DIPK2A: variants seen among roughly 807,000 people sequenced by gnomAD.
The protein encoded by DIPK2A is divergent protein kinase domain 2A, also known as Golgi Protein of 49 kDa.
Under a neutral mutation model 39.0 loss-of-function variants are expected in DIPK2A, and 27 were observed. The ratio of observed to expected loss-of-function variants is 0.69; its 90% CI spans 0.51 to 0.96. DIPK2A has a LOEUF of 0.96. Among genes scored for constraint, DIPK2A ranks in the 40% least tolerant of loss-of-function variants. The pLI, the probability that DIPK2A is intolerant of heterozygous loss-of-function variation, is 0.00. For missense variants in DIPK2A, 528 were observed against 571.3 expected (o/e 0.92, Z 0.77); for synonymous variants, 298 against 240.8 (o/e 1.24, Z -2.20).
intron 2 of DIPK2A, among the ~76,000 whole-genome samples, chr3:143,986,721 T>TC: frequency 1.1e-5 from 1 of 88,560 alleles, no homozygotes; most frequent in Middle Eastern, 7.6e-3. Context: ...AGACTCCGTC[T>TC]CAAAAAAAAA....
rs558880861 is a variant in DIPK2A at position 143,972,344 on chromosome 3, G to C, written c.12G>C (p.Leu4=). The C allele has an allele frequency of 7.4e-7, 1 of 1,354,772 alleles. No homozygotes were observed. Among genetic ancestry groups the C allele is most frequent in the East Asian group, 3.0e-5 (1 of 33,776 alleles). 83.9% of individuals were successfully genotyped at this position (1,354,772 alleles called of 1,614,324 possible). A position where few individuals can be genotyped will look rare whatever the true frequency, so the allele number is the denominator to read the frequency against. ...GGCGGGCGGGCGGTATGTGGCGCCT[G>C]GTGCCCCCGAAGCTGGGCCGCCTGT... MWR[L]VPPKLGRLSR... Residue 4 remains leucine (L), a synonymous_variant, in exon 1 of 3, where the codon CTG becomes CTC. Transcript: ENST00000315691.
intron 2 of DIPK2A, among the ~76,000 whole-genome samples, chr3:143,987,973 A>G (rs2087929237): frequency 6.6e-6 from 1 of 152,216 alleles, no homozygotes; most frequent in Non-Finnish European, 1.5e-5. Context: ...TAACCTTCAA[A>G]AAACATTAAC....
At chr3:143,981,977 T>G (rs148907672) in intron 1 of DIPK2A, among the ~76,000 whole-genome samples, 54 of 152,348 alleles carry the variant, frequency 3.5e-4, no homozygotes, top group African/African-American at 1.3e-3. Flanking sequence ...CATAAAATAT[T>G]TGATTTTGAT....
rs778582228 is a variant in DIPK2A, at chr3:143,988,101, C to CT, written c.962-1397dup. 2.1e-3 allele frequency among the ~76,000 whole-genome samples: 311 copies of CT among 145,640 alleles called. 1 individual carries two copies. Among genetic ancestry groups the CT allele is most frequent in the African/African-American group, 2.4e-3 (94 of 39,966 alleles). ...TGTGTGACTTGGCCCTCTTCTGATC[C>CT]TTTTTTTTTTTTCTTTTTTGAGACA... On this transcript the variant is annotated intron_variant, in intron 2 of 2. Coordinates refer to ENST00000315691, the MANE Select transcript of DIPK2A (RefSeq NM_173552.5).
chr3:143,976,584 G>GAGAGAGA (rs3083098), intron 1 of DIPK2A, among the ~76,000 whole-genome samples: 2 of 139,512 alleles, frequency 1.4e-5, no homozygotes, highest in African/African-American at 5.7e-5. Flanking sequence ...GAGAGAGAGA[G>GAGAGAGA]ATGCTGTCTG....
rs1237654477 is a variant in DIPK2A, at chr3:143,972,072, C to T, written c.-261C>T. On this transcript the variant is annotated 5_prime_UTR_variant, in exon 1 of 3. Coordinates refer to ENST00000315691, the MANE Select transcript of DIPK2A (RefSeq NM_173552.5). ...CTTGGCTGGCGTGGAGGAGGCGCCG[C>T]CGGAGTCGGAGGGCGGGGAGCTAGG... 1 of 379,732 alleles carries T rather than the reference C, an allele frequency of 2.6e-6. No individual in the cohort carries two copies. Among genetic ancestry groups the T allele is most frequent in the African/African-American group, 2.1e-5 (1 of 48,022 alleles). The allele number at this position is 379,732 out of a possible 1,614,324, so 23.5% of individuals were successfully genotyped here. A position where few individuals can be genotyped will look rare whatever the true frequency, so the allele number is the denominator to read the frequency against.
rs1404454075 is a variant in DIPK2A, at chr3:143,972,943, A to G, written c.611A>G (p.Gln204Arg). The G allele has an allele frequency of 1.3e-6, 2 of 1,589,342 alleles. No homozygotes were observed. Among genetic ancestry groups the G allele is most frequent in the East Asian group, 2.3e-5 (1 of 43,914 alleles). The change falls in exon 1 of 3, where the codon CAG (glutamine) becomes CGG (arginine). Residue 204 changes from glutamine to arginine, a missense_variant. Coordinates refer to ENST00000315691, the MANE Select transcript of DIPK2A (RefSeq NM_173552.5). ...AACCTCAAGGACTCGGAGCGCATGC[A>G]GCTGCTGCTGACCCTGGCCTTCAAC... is the stretch of plus-strand genomic sequence containing the variant. ...LRNLKDSERM[Q>R]LLLTLAFNPE...
intron 1 of DIPK2A, chr3:143,973,629 G>A: frequency 1.5e-6 from 2 of 1,293,602 alleles, no homozygotes; most frequent in Non-Finnish European, 2.2e-6. Context: ...GTAAGGCAGC[G>A]TTGGACTTGG....
intron 2 of DIPK2A, among the ~76,000 whole-genome samples, chr3:143,986,736 A>C (rs555396278): frequency 5.3e-4 from 81 of 151,810 alleles, no homozygotes; most frequent in Non-Finnish European, 9.6e-4. Context: ...AAAAAAAAAA[A>C]AAAAAGAAAA....
chr3:143,983,817 CTG>C (rs1288389659), intron 1 of DIPK2A, among the ~76,000 whole-genome samples: 4 of 151,962 alleles, frequency 2.6e-5, no homozygotes, highest in Admixed American at 6.6e-5. Flanking sequence ...GCAATACAAA[CTG>C]TTTTGTATTG....
At chr3:143,974,061 A>T (rs2107838158) in intron 1 of DIPK2A, among the ~76,000 whole-genome samples, 1 of 152,000 alleles carries the variant, frequency 6.6e-6, no homozygotes, top group South Asian at 2.1e-4. Flanking sequence ...GTTCACAAGT[A>T]ATTTTGGTAT....
chr3:143,975,914 A>G (rs2087721951), intron 1 of DIPK2A, among the ~76,000 whole-genome samples: 1 of 152,138 alleles, frequency 6.6e-6, no homozygotes, highest in Non-Finnish European at 1.5e-5. Context: ...ATGCTTCAAA[A>G]TAAGCATGTA....
intron 1 of DIPK2A, among the ~76,000 whole-genome samples, chr3:143,985,137 A>G (rs573571026): frequency 6.6e-6 from 1 of 152,376 alleles, no homozygotes; most frequent in Non-Finnish European, 1.5e-5. Flanking sequence ...GTTGCCTGGT[A>G]AATAACTGCT....
In DIPK2A at chr3:143,972,217, C is replaced by G. The variant is rs918287736; in HGVS notation, c.-116C>G. On this transcript the variant is annotated 5_prime_UTR_variant, in exon 1 of 3. Transcript: ENST00000315691. ...ACACCTACTCCGCCCTCCGCCCCAG[C>G]CCGCGCGCTAGCTCCTTCTCTCGCC... is the stretch of plus-strand genomic sequence containing the variant. 3.0e-6 allele frequency: 3 copies of G among 989,964 alleles called. No homozygotes were observed. In the African/African-American group the frequency reaches 5.2e-5, roughly 17 times the overall value. 61.3% of individuals were successfully genotyped at this position (989,964 alleles called of 1,614,324 possible).
At chr3:143,975,565 A>G (rs2087717267) in intron 1 of DIPK2A, among the ~76,000 whole-genome samples, 1 of 152,150 alleles carries the variant, frequency 6.6e-6, no homozygotes, top group South Asian at 2.1e-4. Context: ...TTTGTTAGCT[A>G]GGAAACTACA....
chr3:143,974,701 A>AT (rs907006760), intron 1 of DIPK2A, among the ~76,000 whole-genome samples: 63 of 146,706 alleles, frequency 4.3e-4, no homozygotes, highest in Admixed American at 8.2e-4. Flanking sequence ...CTACCGAAAG[A>AT]TTTTTTTTTT....
At chr3:143,976,954 G>A (rs1266478152) in intron 1 of DIPK2A, among the ~76,000 whole-genome samples, 1 of 151,968 alleles carries the variant, frequency 6.6e-6, no homozygotes, top group African/African-American at 2.4e-5. Flanking sequence ...CATTTGATCA[G>A]CTGTTTTGAA....
At position 143,972,442 on chromosome 3, in the gene DIPK2A, C is replaced by T. The variant is rs1296111300; in HGVS notation, c.110C>T (p.Ala37Val). The change falls in exon 1 of 3, where the codon GCC becomes GTC. Residue 37 changes from alanine to valine, a missense_variant. Transcript: ENST00000315691. ...LMVLHSPSLL[A>V]SWQRNELTDR... is the part of the protein sequence containing the mutation. ...GTGCTGCACTCGCCGTCGCTGCTCG[C>T]CTCTTGGCAGCGCAACGAACTGACC... The T allele has an allele frequency of 1.3e-6, 2 of 1,593,824 alleles. No individual in the cohort carries two copies. The highest frequency in any genetic ancestry group is 2.7e-5 in the African/African-American group (2 of 74,254).
At chr3:143,982,155 C>G (rs2087836328) in intron 1 of DIPK2A, among the ~76,000 whole-genome samples, 1 of 152,042 alleles carries the variant, frequency 6.6e-6, no homozygotes, top group Non-Finnish European at 1.5e-5. Flanking sequence ...AGCATCAGTG[C>G]TTTTAAGAGT....
Sources: allele counts gnomAD v4.1 joint callset (sites outside exome capture counted in the v4.1 genomes callset), GRCh38; gene constraint gnomAD v4.1.1; transcripts MANE v1.5; gene names NCBI Gene and HGNC (gene_info 2026-07-23, HGNC 2026-07-21).